LRRFIP1: variants seen among roughly 807,000 people sequenced by gnomAD.
The protein encoded by LRRFIP1 is LRR binding FLII interacting protein 1.
Under a neutral mutation model 104.4 loss-of-function variants are expected in LRRFIP1, and 62 were observed. The observed-to-expected ratio is 0.59, with a 90% confidence interval of 0.48 to 0.73. LRRFIP1 has a LOEUF of 0.73. Ranked by LOEUF, LRRFIP1 falls within the 30% of genes least tolerant of loss-of-function variation. LRRFIP1 has a pLI of 0.00. For synonymous variants in LRRFIP1, 300 were observed against 299.0 expected (o/e 1.00, Z -0.03); for missense variants, 796 against 824.5 (o/e 0.97, Z 0.42).
rs2061374078 is a variant in LRRFIP1, at chr2:237,779,642, A to C, written c.*110A>C. 1 of 994,930 alleles carries C rather than the reference A, an allele frequency of 1.0e-6. No homozygotes were observed. Among genetic ancestry groups the C allele is most frequent in the African/African-American group, 1.6e-5 (1 of 61,450 alleles). The allele number at this position is 994,930 out of a possible 1,614,324, so 61.6% of individuals were successfully genotyped here. On this transcript the variant is annotated 3_prime_UTR_variant, in exon 24 of 24. Coordinates refer to ENST00000308482, the MANE Select transcript of LRRFIP1 (RefSeq NM_001137550.2). Reference sequence around the variant, plus strand: ...TCTTCCCCTGCCTTCCGAGAGACGAAGACCGTGGCGAGCTTGGCGCTTAGG... The same window carrying C: ...TCTTCCCCTGCCTTCCGAGAGACGACGACCGTGGCGAGCTTGGCGCTTAGG...
chr2:237,777,566 G>C (rs986363321), intron 23 of LRRFIP1, among the ~76,000 whole-genome samples: 10 of 151,936 alleles, frequency 6.6e-5, no homozygotes, highest in African/African-American at 2.2e-4. Flanking sequence ...GAAAGTTGTT[G>C]TTTTAACGGT....
Position 237,723,575 on chromosome 2 carries a change from C to T in LRRFIP1, c.373C>T (p.Pro125Ser). The T allele has an allele frequency of 6.2e-7, 1 of 1,613,592 alleles. No homozygotes were observed. The highest frequency in any genetic ancestry group is 2.2e-5 in the East Asian group (1 of 44,864). The change falls in exon 7 of 24, where the codon CCT becomes TCT. Residue 125 changes from proline (P) to serine (S), a missense_variant. By Grantham distance (74) the Pro-to-Ser change is moderately conservative. Coordinates refer to ENST00000308482, the MANE Select transcript of LRRFIP1 (RefSeq NM_001137550.2). Reference sequence around the variant, plus strand: ...GCAGCCTGACTTGGAGTATGGGGGTCCTTACGCCTGGGTGAGATGGTCGGA... The same window carrying T: ...GCAGCCTGACTTGGAGTATGGGGGTTCTTACGCCTGGGTGAGATGGTCGGA... The part of the protein sequence containing the change: ...RSQPDLEYGG[P>S]YAWTNGYDGE...
At chr2:237,763,895 C>A (rs1323080615) in intron 19 of LRRFIP1, 10 of 1,614,124 alleles carry the variant, frequency 6.2e-6, no homozygotes, top group Non-Finnish European at 8.5e-6. Flanking sequence ...TCGCTGCACC[C>A]TGCCCGAACA....
chr2:237,771,565 C>T (rs1040358507), intron 20 of LRRFIP1, among the ~76,000 whole-genome samples: 8 of 83,926 alleles, frequency 9.5e-5, no homozygotes, highest in East Asian at 1.0e-3. Context: ...CCCCCCCCCC[C>T]GCCCAGATAC....
rs2092795347 is a variant in LRRFIP1, at chr2:237,691,924, C to T, written c.97-16620C>T. Reference sequence around the variant, plus strand: ...GGAGCGCGGGGGGCGGGGCGGGGCTCGCGTTAAGGGAGCGCGGAAGGGCGG... The same window carrying T: ...GGAGCGCGGGGGGCGGGGCGGGGCTTGCGTTAAGGGAGCGCGGAAGGGCGG... On this transcript the variant is annotated intron_variant, in intron 1 of 23. Transcript: ENST00000308482. This position sits in a 1 kb window ranked among gnomAD's most constrained non-coding sequence, Gnocchi z 5.4. Among the ~76,000 whole-genome samples, 2 of 117,802 alleles carry T rather than the reference C, an allele frequency of 1.7e-5. No homozygotes were observed. Among genetic ancestry groups the T allele is most frequent in the Admixed American group, 8.7e-5 (1 of 11,446 alleles). The allele number at this position is 117,802 out of a possible 152,430, so 77.3% of individuals were successfully genotyped here. A position where few individuals can be genotyped will look rare whatever the true frequency, so the allele number is the denominator to read the frequency against.
At chr2:237,737,032 C>T (rs866564316) in intron 10 of LRRFIP1, among the ~76,000 whole-genome samples, 4 of 152,178 alleles carry the variant, frequency 2.6e-5, no homozygotes, top group South Asian at 4.1e-4. Flanking sequence ...CCCAAGTGGT[C>T]GTGACCTCAG....
At chr2:237,764,865 T>G (rs559463728) in intron 19 of LRRFIP1, 1 of 985,586 alleles carries the variant, frequency 1.0e-6, no homozygotes, top group East Asian at 1.1e-4. Context: ...ATGCTGATGA[T>G]GTATCAAATT....
chr2:237,659,916 G>A (rs1237634343), intron 1 of LRRFIP1, among the ~76,000 whole-genome samples: 1 of 152,160 alleles, frequency 6.6e-6, no homozygotes, highest in Non-Finnish European at 1.5e-5. Context: ...TGGTATTACA[G>A]GCGTGAGCCA....
chr2:237,751,299 C>A, intron 14 of LRRFIP1, 28 bp downstream of exon 14: 1 of 1,509,930 alleles, frequency 6.6e-7, no homozygotes, highest in Non-Finnish European at 9.0e-7. Context: ...TGTGGTCTCA[C>A]GATATTAACC....
At chr2:237,752,629 CCCT>C (rs2058764634) in intron 14 of LRRFIP1, among the ~76,000 whole-genome samples, 1 of 152,202 alleles carries the variant, frequency 6.6e-6, no homozygotes, top group Non-Finnish European at 1.5e-5. Context: ...AATCGCCTTC[CCCT>C]CCTCATGTTT....
intron 1 of LRRFIP1, among the ~76,000 whole-genome samples, chr2:237,704,214 G>A (rs1453195725): frequency 6.7e-6 from 1 of 148,696 alleles, no homozygotes; most frequent in Non-Finnish European, 1.5e-5. Context: ...GTGCAGTGGT[G>A]CAATCTTGGC....
rs13413939 is a variant in LRRFIP1 at position 237,781,334 on chromosome 2, T to G, written c.*1802T>G. Among the ~76,000 whole-genome samples the G allele has an allele frequency of 0.024, 3,645 of 152,310 alleles. 146 individuals carry two copies. Among genetic ancestry groups the G allele is most frequent in the African/African-American group, 0.083 (3,452 of 41,548 alleles). The stretch of plus-strand genomic sequence containing the variant: ...TCATTTCATTTGCACGGAAATTCTA[T>G]GAGGTAGATGCTGTTATCAAATCCA... On this transcript the variant is annotated 3_prime_UTR_variant, in exon 24 of 24. Transcript: ENST00000308482.
chr2:237,758,465 C>T (rs942787323), intron 17 of LRRFIP1, among the ~76,000 whole-genome samples: 2 of 152,192 alleles, frequency 1.3e-5, no homozygotes, highest in African/African-American at 4.8e-5. Flanking sequence ...AATATAGTAA[C>T]CTCTGGGGCC....
At chr2:237,677,563 A>C (rs142266991) in intron 1 of LRRFIP1, among the ~76,000 whole-genome samples, 37 of 152,334 alleles carry the variant, frequency 2.4e-4, no homozygotes, top group Middle Eastern at 3.4e-3. Flanking sequence ...AGGTCAAGGC[A>C]GGAGGATCGC....
At chr2:237,736,897 C>G (rs913469760) in intron 10 of LRRFIP1, among the ~76,000 whole-genome samples, 1 of 152,198 alleles carries the variant, frequency 6.6e-6, no homozygotes, top group African/African-American at 2.4e-5. Context: ...GTGGATACTC[C>G]GTTCCTTATG....
At chr2:237,664,349 TG>T (rs1470184602) in intron 1 of LRRFIP1, among the ~76,000 whole-genome samples, 1 of 152,268 alleles carries the variant, frequency 6.6e-6, no homozygotes, top group Non-Finnish European at 1.5e-5. Context: ...CACAGTGTGC[TG>T]GTTGCTGGTA....
At chr2:237,695,487 A>T (rs1309723729) in intron 1 of LRRFIP1, among the ~76,000 whole-genome samples, 1 of 152,238 alleles carries the variant, frequency 6.6e-6, no homozygotes, top group African/African-American at 2.4e-5. Flanking sequence ...GGCAATGTCC[A>T]AGAGGAACTT....
rs2093923524 is a variant in LRRFIP1 at position 237,708,526 on chromosome 2, A to G, written c.97-18A>G. Reference sequence around the variant, plus strand: ...GCCCGCTGCTCTGTCCTCTAATAAGATGCCCTGTCCGTTTCAGGCGGAAGC... The same window carrying G: ...GCCCGCTGCTCTGTCCTCTAATAAGGTGCCCTGTCCGTTTCAGGCGGAAGC... On this transcript the variant is annotated intron_variant, in intron 1 of 23. Transcript: ENST00000308482. 2.6e-6 allele frequency: 4 copies of G among 1,549,280 alleles called. No individual in the cohort carries two copies. The highest frequency in any genetic ancestry group is 1.8e-5 in the Admixed American group (1 of 54,862).
At chr2:237,764,362 C>T (rs1037933547) in intron 19 of LRRFIP1, 71 of 1,463,026 alleles carry the variant, frequency 4.9e-5, no homozygotes, top group Non-Finnish European at 5.7e-5. Context: ...TATCAGTGTA[C>T]GTTCTAATTG....
Sources: gnomAD v4.1 joint callset for allele counts (sites outside exome capture counted in the v4.1 genomes callset) on GRCh38, gnomAD v4.1.1 for gene constraint, Gnocchi (gnomAD v3.1) non-coding constraint, MANE v1.5 for transcripts, NCBI Gene and HGNC (gene_info 2026-07-23, HGNC 2026-07-21) for gene names.